Variants in FAM227B observed in about 807,000 individuals in gnomAD.
The protein encoded by FAM227B is family with sequence similarity 227 member B.
FAM227B carries 88 observed loss-of-function variants against 73.8 expected under a neutral mutation model. That is an observed-to-expected ratio of 1.19 (90% CI 1.00 to 1.42). The LOEUF is 1.42. Ranked by LOEUF, FAM227B falls within the 40% of genes most tolerant of loss-of-function variation. The pLI, the probability that FAM227B is intolerant of heterozygous loss-of-function variation, is 0.00. For synonymous variants in FAM227B, 210 were observed against 190.5 expected, an observed-to-expected ratio of 1.10 and a Z score of -0.84; for missense variants, 632 against 590.9, an observed-to-expected ratio of 1.07 and a Z score of -0.72.
intron 10 of FAM227B, among the ~76,000 whole-genome samples, chr15:49,510,161 C>T (rs945757850): frequency 6.6e-6 from 1 of 152,204 alleles, no homozygotes. Context: ...ATTTAACGAT[C>T]TTTCACCATC....
intron 11 of FAM227B, among the ~76,000 whole-genome samples, chr15:49,447,625 T>G (rs1285519387): frequency 2.0e-5 from 3 of 151,760 alleles, no homozygotes; most frequent in Non-Finnish European, 3.0e-5. Context: ...TCTGGTAAAT[T>G]TATGCAAATT....
intron 11 of FAM227B, among the ~76,000 whole-genome samples, chr15:49,449,277 T>C (rs2052508136): frequency 6.6e-6 from 1 of 152,058 alleles, no homozygotes; most frequent in Non-Finnish European, 1.5e-5. Context: ...AAAGCAATCA[T>C]GAAATCAATC....
chr15:49,411,618 C>T (rs1383945143), intron 11 of FAM227B, among the ~76,000 whole-genome samples: 1 of 152,060 alleles, frequency 6.6e-6, no homozygotes, highest in Non-Finnish European at 1.5e-5. Context: ...TTGAAATAGA[C>T]TTTTACTTAA....
intron 3 of FAM227B, among the ~76,000 whole-genome samples, chr15:49,605,000 A>T (rs781302983): frequency 3.4e-4 from 51 of 151,996 alleles, no homozygotes; most frequent in Non-Finnish European, 4.4e-5. Context: ...CTTGAAGATG[A>T]TATTTTTAAG....
intron 11 of FAM227B, among the ~76,000 whole-genome samples, chr15:49,475,728 T>C (rs57186766): frequency 0.34 from 51,021 of 152,064 alleles, 9,536 homozygotes; most frequent in African/African-American, 0.49. Flanking sequence ...TGGCTTATAC[T>C]TGTAATCCCA....
chr15:49,480,482 T>TTC (rs906770529), intron 11 of FAM227B, among the ~76,000 whole-genome samples: 2 of 143,654 alleles, frequency 1.4e-5, no homozygotes, highest in African/African-American at 5.2e-5. Context: ...TAATTTTTTT[T>TTC]TTTTTTTTTT....
Position 49,328,628 on chromosome 15 carries a change from T to C in FAM227B, c.1467A>G (p.Ser489=), listed in dbSNP as rs749471661. Residue 489 remains serine, a synonymous_variant, in exon 16 of 16, where the codon TCA becomes TCG. Transcript: ENST00000299338. ...TTGATGATGGTGATGATGATGATGA[T>C]GACGATAGTGATGCCACACATTCTC... ...IERECVASLS[S]SSSSSPSSTD... is the part of the protein sequence containing the mutation. The C allele has an allele frequency of 1.5e-5, 24 of 1,582,398 alleles. No homozygotes were observed. Among genetic ancestry groups the C allele is most frequent in the South Asian group, 7.9e-5 (7 of 88,070 alleles).
chr15:49,397,292 A>G (rs1041004391), intron 11 of FAM227B, among the ~76,000 whole-genome samples: 2 of 152,184 alleles, frequency 1.3e-5, no homozygotes, highest in Non-Finnish European at 2.9e-5. Context: ...AGGGAAGTTT[A>G]GAGAAAAAAG....
Position 49,615,228 on chromosome 15 carries a change from G to C in FAM227B, c.-57C>G, listed in dbSNP as rs760295060. 13 of 1,521,238 alleles carry C rather than the reference G, an allele frequency of 8.5e-6. No individual in the cohort carries two copies. The highest frequency in any genetic ancestry group is 1.2e-5 in the Non-Finnish European group (13 of 1,095,694). The allele number at this position is 1,521,238 out of a possible 1,614,324, so 94.2% of individuals were successfully genotyped here. ...TCAGCTGGGTCTTAGGCTTCAATGT[G>C]AGTTGGGCGACCAAACTGGGGTATG... On this transcript the variant is annotated 5_prime_UTR_variant, in exon 2 of 16. Coordinates refer to ENST00000299338, the MANE Select transcript of FAM227B (RefSeq NM_152647.3).
intron 9 of FAM227B, among the ~76,000 whole-genome samples, chr15:49,543,103 T>C (rs2071317498): frequency 6.6e-6 from 1 of 152,114 alleles, no homozygotes; most frequent in Non-Finnish European, 1.5e-5. Context: ...CATAGTTGTT[T>C]TATTTGTTTA....
intron 5 of FAM227B, among the ~76,000 whole-genome samples, chr15:49,580,882 A>C (rs755097660): frequency 6.6e-6 from 1 of 152,202 alleles, no homozygotes; most frequent in Non-Finnish European, 1.5e-5. Context: ...ATGAGGAATG[A>C]ATCTCAGACC....
At chr15:49,574,299 T>C (rs1367187075) in intron 8 of FAM227B, among the ~76,000 whole-genome samples, 2 of 152,176 alleles carry the variant, frequency 1.3e-5, no homozygotes, top group African/African-American at 4.8e-5. Context: ...CCCCCTCTGA[T>C]ATGGTTTGGC....
intron 11 of FAM227B, chr15:49,434,742 A>G (rs2050934254): frequency 6.6e-6 from 1 of 151,642 alleles, no homozygotes; most frequent in Non-Finnish European, 1.5e-5. Context: ...TATTAAAAAC[A>G]TAACTACCAG....
intron 2 of FAM227B, among the ~76,000 whole-genome samples, chr15:49,613,265 A>G (rs1297447095): frequency 6.6e-6 from 1 of 152,156 alleles, no homozygotes; most frequent in Non-Finnish European, 1.5e-5. Context: ...CTGTAATCCC[A>G]GCACTTTGGG....
At chr15:49,353,614 G>GGT (rs371027331) in intron 13 of FAM227B, 2 of 138,722 alleles carry the variant, frequency 1.4e-5, no homozygotes, top group African/African-American at 2.6e-5. Context: ...GAAAATAAGG[G>GGT]TTTTTTTTTT....
intron 11 of FAM227B, among the ~76,000 whole-genome samples, chr15:49,434,855 A>G (rs2050947992): frequency 6.8e-6 from 1 of 146,496 alleles, no homozygotes; most frequent in Non-Finnish European, 1.5e-5. Flanking sequence ...CTAATTAATA[A>G]TTAATTAATA....
Position 49,611,351 on chromosome 15 carries a change from A to T in FAM227B, c.52-83T>A, listed in dbSNP as rs538806490. 15 of 690,544 alleles carry T rather than the reference A, an allele frequency of 2.2e-5. No individual in the cohort carries two copies. The African/African-American group carries it at 2.7e-4, about 13-fold the overall frequency. 42.8% of individuals were successfully genotyped at this position (690,544 alleles called of 1,614,324 possible). A position where few individuals can be genotyped will look rare whatever the true frequency, so the allele number is the denominator to read the frequency against. On this transcript the variant is annotated intron_variant, in intron 2 of 15. Coordinates refer to ENST00000299338, the MANE Select transcript of FAM227B (RefSeq NM_152647.3). Reference sequence around the variant, plus strand: ...ATTTACAAATAATTTACTTAAATAAAATGATACTCTATTTATCATTTTCAG... The same window carrying T: ...ATTTACAAATAATTTACTTAAATAATATGATACTCTATTTATCATTTTCAG...
intron 13 of FAM227B, among the ~76,000 whole-genome samples, chr15:49,358,309 AGAC>A (rs2043541852): frequency 8.2e-6 from 1 of 121,448 alleles, no homozygotes; most frequent in African/African-American, 3.2e-5. Context: ...CCCTGTTTGC[AGAC>A]GACATGATTG....
chr15:49,441,080 A>C (rs934663803), intron 11 of FAM227B, among the ~76,000 whole-genome samples: 3 of 151,772 alleles, frequency 2.0e-5, no homozygotes, highest in Non-Finnish European at 2.9e-5. Flanking sequence ...TTTAAAATGA[A>C]TGAGTAAATA....
Sources: gnomAD v4.1 joint callset for allele counts (sites outside exome capture counted in the v4.1 genomes callset) on GRCh38, gnomAD v4.1.1 for gene constraint, MANE v1.5 for transcripts, NCBI Gene and HGNC (gene_info 2026-07-23, HGNC 2026-07-21) for gene names.